Variants in NETO1 observed in about 807,000 individuals in gnomAD.
The protein encoded by NETO1 is neuropilin and tolloid like 1.
In NETO1, 26 loss-of-function variants were observed where a neutral mutation model predicts 61.3. The observed-to-expected ratio is 0.42, with a 90% CI of 0.31 to 0.59. The LOEUF (loss-of-function observed/expected upper bound fraction) is 0.59. Ranked by LOEUF, NETO1 falls within the 20% of genes least tolerant of loss-of-function variation. The pLI is 0.12. For synonymous variants in NETO1, 225 were observed against 225.8 expected (o/e 1.00, Z 0.03); for missense variants, 531 against 662.8 (o/e 0.80, Z 2.18).
At chr18:72,807,383 T>A (rs75730452) in intron 4 of NETO1, among the ~76,000 whole-genome samples, 1 of 152,194 alleles carries the variant, frequency 6.6e-6, no homozygotes, top group Admixed American at 6.5e-5. Flanking sequence ...ATTATTGATA[T>A]GTGCTGGGCT....
intron 7 of NETO1, among the ~76,000 whole-genome samples, chr18:72,772,743 A>ATCTCTCTC (rs1491488125): frequency 9.1e-5 from 6 of 65,750 alleles, no homozygotes; most frequent in South Asian, 7.7e-4. Context: ...ACACACACAC[A>ATCTCTCTC]TCTCTCTATA....
chr18:72,772,792 G>C (rs1410442591), intron 7 of NETO1, among the ~76,000 whole-genome samples: 2 of 40,672 alleles, frequency 4.9e-5, no homozygotes, highest in Non-Finnish European at 4.8e-5. Flanking sequence ...TCTCTATATA[G>C]TTCTCTCTCT....
intron 7 of NETO1, among the ~76,000 whole-genome samples, chr18:72,761,072 A>G (rs2070956220): frequency 1.3e-5 from 2 of 152,236 alleles, no homozygotes. Flanking sequence ...AAGATGTATG[A>G]CATAAAATGT....
At chr18:72,796,937 T>TTAACACC (rs2072335611) in intron 4 of NETO1, among the ~76,000 whole-genome samples, 1 of 152,184 alleles carries the variant, frequency 6.6e-6, no homozygotes, top group Non-Finnish European at 1.5e-5. Context: ...AAATACATAT[T>TTAACACC]TAACACCTAC....
intron 7 of NETO1, among the ~76,000 whole-genome samples, chr18:72,762,659 A>G (rs9636080): frequency 0.3 from 45,842 of 152,086 alleles, 8,130 homozygotes; most frequent in South Asian, 0.41. Flanking sequence ...GCTTTGCTCT[A>G]TTGCTTCATT....
chr18:72,751,215 ACT>A lies in NETO1; in HGVS notation c.983-597_983-596del, dbSNP rs1463355023. Among the ~76,000 whole-genome samples the A allele has an allele frequency of 2.0e-5, 3 of 152,284 alleles. No individual in the cohort carries two copies. In the East Asian group the frequency reaches 5.8e-4, roughly 29 times the overall value. The stretch of plus-strand genomic sequence containing the variant: ...CAACTGGTAGAAAATTATTTTAAAA[ACT>A]CAACCAATTAAAGCCTGGTTTAATG... On this transcript the variant is annotated intron_variant, in intron 8 of 10. Transcript: ENST00000327305.
At chr18:72,861,709 G>A (rs116276248) in intron 3 of NETO1, among the ~76,000 whole-genome samples, 1,957 of 152,154 alleles carry the variant, frequency 0.013, 38 homozygotes, top group African/African-American at 0.045. Flanking sequence ...TCATCACAAT[G>A]GGTCATACCT....
intron 7 of NETO1, among the ~76,000 whole-genome samples, chr18:72,779,948 C>T (rs1375988621): frequency 6.6e-6 from 1 of 152,118 alleles, no homozygotes; most frequent in Non-Finnish European, 1.5e-5. Flanking sequence ...TAGCTGTGTT[C>T]TCACCTGGTG....
At chr18:72,816,937 T>C (rs2073049559) in intron 4 of NETO1, among the ~76,000 whole-genome samples, 1 of 152,124 alleles carries the variant, frequency 6.6e-6, no homozygotes, top group Non-Finnish European at 1.5e-5. Context: ...GAGAAGACAC[T>C]TGTGAGAGTC....
intron 4 of NETO1, among the ~76,000 whole-genome samples, chr18:72,821,234 T>TAAAAAAAA (rs10672110): frequency 5.0e-5 from 4 of 80,210 alleles, no homozygotes; most frequent in African/African-American, 1.0e-4. Context: ...TCATATTAAC[T>TAAAAAAAA]AAAAAAAAAA....
chr18:72,831,161 C>G (rs2145390718), intron 4 of NETO1, among the ~76,000 whole-genome samples: 1 of 152,278 alleles, frequency 6.6e-6, no homozygotes, highest in East Asian at 1.9e-4. Flanking sequence ...CTGTCTTCGT[C>G]CTTCTCGATA....
chr18:72,854,072 C>G (rs1270174744), intron 4 of NETO1, among the ~76,000 whole-genome samples: 1 of 151,998 alleles, frequency 6.6e-6, no homozygotes, highest in African/African-American at 2.4e-5. Flanking sequence ...GCATAGAAAT[C>G]CGTTTAAAAC....
rs1315672640 is a variant in NETO1 at position 72,747,282 on chromosome 18, T to C, written c.*897A>G. 6.6e-6 allele frequency: 1 copy of C among 151,994 alleles called. No individual in the cohort carries two copies. The highest frequency in any genetic ancestry group is 1.5e-5 in the Non-Finnish European group (1 of 67,940). 9.4% of individuals were successfully genotyped at this position (151,994 alleles called of 1,614,324 possible). Reference sequence around the variant, plus strand: ...TATAAAAAGTCGTAAGTAGCAAGCATATGACATAAAGAAATGGAAGAGTAA... The same window carrying C: ...TATAAAAAGTCGTAAGTAGCAAGCACATGACATAAAGAAATGGAAGAGTAA... On this transcript the variant is annotated 3_prime_UTR_variant, in exon 11 of 11. Coordinates refer to ENST00000327305, the MANE Select transcript of NETO1 (RefSeq NM_138966.5).
At chr18:72,832,293 A>T (rs1308292575) in intron 4 of NETO1, among the ~76,000 whole-genome samples, 3 of 152,220 alleles carry the variant, frequency 2.0e-5, no homozygotes, top group African/African-American at 4.8e-5. Flanking sequence ...TAAAAAATTT[A>T]ATATGACTCA....
chr18:72,854,846 A>T (rs1022396222), intron 4 of NETO1, among the ~76,000 whole-genome samples: 1 of 150,168 alleles, frequency 6.7e-6, no homozygotes, highest in Non-Finnish European at 1.5e-5. Context: ...AAATTAAAGC[A>T]TTATCAATAA....
intron 7 of NETO1, among the ~76,000 whole-genome samples, chr18:72,770,619 T>C (rs574409972): frequency 2.0e-5 from 3 of 152,284 alleles, no homozygotes; most frequent in South Asian, 2.1e-4. Flanking sequence ...ACATCAATCA[T>C]GGCAATTCAC....
At chr18:72,790,700 G>A (rs149211595) in intron 6 of NETO1, among the ~76,000 whole-genome samples, 12 of 152,028 alleles carry the variant, frequency 7.9e-5, no homozygotes, top group African/African-American at 1.9e-4. Flanking sequence ...CAAATAAACC[G>A]CAGTACTTAA....
chr18:72,777,691 T>C (rs1290487110), intron 7 of NETO1, among the ~76,000 whole-genome samples: 1 of 152,094 alleles, frequency 6.6e-6, no homozygotes, highest in Admixed American at 6.5e-5. Flanking sequence ...CGCAGTGAGC[T>C]GAGATTGCGC....
intron 4 of NETO1, among the ~76,000 whole-genome samples, chr18:72,841,319 G>A (rs2096957): frequency 0.96 from 146,090 of 152,208 alleles, 70,199 homozygotes; most frequent in Non-Finnish European, 0.99. Context: ...ACAGGTCCAC[G>A]GTGAGAGAAG....
Sources: gnomAD v4.1 joint callset for allele counts (sites outside exome capture counted in the v4.1 genomes callset) on GRCh38, gnomAD v4.1.1 for gene constraint, MANE v1.5 for transcripts, NCBI Gene and HGNC (gene_info 2026-07-23, HGNC 2026-07-21) for gene names.